UNK: variants seen among roughly 807,000 people sequenced by gnomAD.
The protein encoded by UNK is unk zinc finger.
UNK carries 32 observed loss-of-function variants against 97.6 expected under a neutral mutation model. The ratio of observed to expected loss-of-function variants is 0.33; its 90% CI spans 0.25 to 0.44. The LOEUF (loss-of-function observed/expected upper bound fraction) is 0.44. UNK is among the 20% of genes least tolerant of loss of function. The pLI is 1.00. For missense variants in UNK, 771 were observed against 1,098.4 expected (o/e 0.70, Z 4.21); for synonymous variants, 441 against 461.2 (o/e 0.96, Z 0.56).
chr17:75,789,091 T>G (rs778007633), intron 1 of UNK, among the ~76,000 whole-genome samples: 56 of 152,226 alleles, frequency 3.7e-4, no homozygotes, highest in Non-Finnish European at 6.8e-4. Flanking sequence ...TAACATAGTT[T>G]AAAGGATAAT....
rs2062087401 is a variant in UNK at position 75,823,390 on chromosome 17, G to A, written c.2145G>A (p.Glu715=). The change falls in exon 15 of 16, where the codon GAG becomes GAA. Residue 715 remains glutamate, a synonymous_variant. Transcript: ENST00000589666. ...ALEVQVKKLQ[E]ELERLHAGPE... The stretch of plus-strand genomic sequence containing the variant: ...AGGTGCAGGTGAAGAAGCTCCAGGA[G>A]GAGCTGGAGCGGCTACACGCGGGGC... 1 of 1,609,720 alleles carries A rather than the reference G, an allele frequency of 6.2e-7. No individual in the cohort carries two copies. The highest frequency in any genetic ancestry group is 8.5e-7 in the Non-Finnish European group (1 of 1,178,224).
chr17:75,823,357 T>G lies in UNK; in HGVS notation c.2112T>G (p.Asp704Glu), dbSNP rs2062087151. The G allele has an allele frequency of 5.6e-6, 9 of 1,611,402 alleles. No individual in the cohort carries two copies. The highest frequency in any genetic ancestry group is 7.6e-6 in the Non-Finnish European group (9 of 1,179,166). ...GCGAGCTGGCCCGGGAGCAGCGGGA[T>G]GCACTGGAGGTGCAGGTGAAGAAGC... ...AECELAREQR[D>E]ALEVQVKKLQ... The change falls in exon 15 of 16, where the codon GAT becomes GAG. Residue 704 changes from aspartate (D) to glutamate (E), a missense_variant. Transcript: ENST00000589666.
intron 2 of UNK, among the ~76,000 whole-genome samples, chr17:75,811,621 C>CTG (rs2061969832): frequency 6.6e-6 from 1 of 152,250 alleles, no homozygotes; most frequent in Non-Finnish European, 1.5e-5. Context: ...CAGGGCAGTT[C>CTG]TGTTACCTCG....
chr17:75,793,596 C>A, intron 1 of UNK: 3 of 985,292 alleles, frequency 3.0e-6, no homozygotes, highest in Non-Finnish European at 3.6e-6. Context: ...ATACTGAGGC[C>A]TGTGACAGCC....
rs575380468 is a variant in UNK, at chr17:75,806,141, T to A, written c.105-3619T>A. 2.0e-5 allele frequency among the ~76,000 whole-genome samples: 3 copies of A among 151,774 alleles called. No individual in the cohort carries two copies. The South Asian group carries it at 6.2e-4, about 32-fold the overall frequency. On this transcript the variant is annotated intron_variant, in intron 1 of 15. Transcript: ENST00000589666. ...AAAAGAAATCTAAAGTCTAAAATAT[T>A]TACCATCTGGTCCTTTACAAGAAGA...
chr17:75,806,476 C>CA (rs887933978), intron 1 of UNK, among the ~76,000 whole-genome samples: 1 of 132,956 alleles, frequency 7.5e-6, no homozygotes, highest in African/African-American at 2.8e-5. Context: ...AAAAAAAAAG[C>CA]AAGAGTTAAA....
chr17:75,817,431 G>A lies in UNK; in HGVS notation c.1210G>A (p.Glu404Lys). The A allele has an allele frequency of 6.2e-6, 10 of 1,613,382 alleles. No homozygotes were observed. The highest frequency in any genetic ancestry group is 8.5e-6 in the Non-Finnish European group (10 of 1,179,662). Residue 404 changes from glutamate to lysine, a missense_variant, in exon 9 of 16, where the codon GAG (glutamate) becomes AAG (lysine). By Grantham distance (56) the Glu-to-Lys change is moderately conservative. Transcript: ENST00000589666. The surrounding 1 kb of genome is among the most constrained non-coding windows in gnomAD (Gnocchi z 5.8). ...PNLEGIVFPG[E>K]SGLAPGSYKK... ...CCTGGAGGGCATCGTCTTCCCTGGG[G>A]AGTCTGGCCTGGCCCCTGGCAGCTA...
In UNK at chr17:75,820,059, T is replaced by C. The variant is rs375773531; in HGVS notation, c.1788T>C (p.Ser596=). ...TGCAGCAGCCCCAGGGCCACCTGAGTCAGTCGGAAAACACATTTTTGGGAA... is the reference window on the plus strand; with the variant it reads ...TGCAGCAGCCCCAGGGCCACCTGAGCCAGTCGGAAAACACATTTTTGGGAA... ...HFLQQPQGHL[S]QSENTFLGTS... The change falls in exon 13 of 16, where the codon AGT becomes AGC. Residue 596 remains serine (S), a synonymous_variant. Coordinates refer to ENST00000589666, the MANE Select transcript of UNK (RefSeq NM_001080419.3). The C allele has an allele frequency of 2.5e-4, 398 of 1,613,506 alleles. 1 individual carries two copies. The highest frequency in any genetic ancestry group is 2.8e-4 in the Non-Finnish European group (334 of 1,179,782).
intron 13 of UNK, among the ~76,000 whole-genome samples, chr17:75,820,409 A>T (rs1567809818): frequency 1.3e-5 from 2 of 152,218 alleles, no homozygotes; most frequent in South Asian, 4.1e-4. Context: ...AGGTGAGAGC[A>T]GGGGTCTCAG....
In UNK at chr17:75,816,789, C is replaced by T. The variant is rs2062019728; in HGVS notation, c.981C>T (p.Asp327=). The change falls in exon 8 of 16, where the codon GAC becomes GAT. Residue 327 remains aspartate (D), a synonymous_variant. Coordinates refer to ENST00000589666, the MANE Select transcript of UNK (RefSeq NM_001080419.3). The surrounding 1 kb of genome is among the most constrained non-coding windows in gnomAD (Gnocchi z 4.0). The stretch of plus-strand genomic sequence containing the variant: ...TTGCAGAGCCACCCCTGAGTGACGA[C>T]CTGCAGCCTTCCTCAGCTGTGTCCA... ...AHVEQPPLSD[D]LQPSSAVSSP... 6.2e-7 allele frequency: 1 copy of T among 1,604,592 alleles called. No homozygotes were observed. The highest frequency in any genetic ancestry group is 2.2e-5 in the East Asian group (1 of 44,870).
At chr17:75,823,125 C>T in intron 14 of UNK, 140 bp from the exon 15 acceptor site, 2 of 1,357,966 alleles carry the variant, frequency 1.5e-6, no homozygotes, top group Non-Finnish European at 2.0e-6. Context: ...CAGCATCAGC[C>T]TCCTCCTTGC....
At chr17:75,808,052 G>C (rs377491287) in intron 1 of UNK, among the ~76,000 whole-genome samples, 1 of 151,934 alleles carries the variant, frequency 6.6e-6, no homozygotes, top group Admixed American at 6.6e-5. Context: ...TTCCTGGCTC[G>C]GGGCCCAGCT....
rs199569572 is a variant in UNK, at chr17:75,813,825, G to A, written c.823G>A (p.Gly275Arg). The A allele has an allele frequency of 9.3e-5, 148 of 1,596,472 alleles. No individual in the cohort carries two copies. Among genetic ancestry groups the A allele is most frequent in the Non-Finnish European group, 8.8e-5 (103 of 1,172,806 alleles). ...GGGAGACCCTGGCAAGTGTGAGAAC[G>A]GAGACGCCTGCCAGTACTGCCACAC... ...EWGDPGKCEN[G>R]DACQYCHTRT... The change falls in exon 6 of 16, where the codon GGA (glycine) becomes AGA (arginine). Residue 275 changes from glycine to arginine, a missense_variant. Gly to Arg is a moderately radical substitution (Grantham distance 125). Around this residue, in one of 5 missense-constraint regions of UNK, gnomAD observed 246 missense variants for 440.7 expected, o/e 0.56. Transcript: ENST00000589666.
Position 75,801,306 on chromosome 17 carries a change from C to T in UNK, c.105-8454C>T, listed in dbSNP as rs117015978. Among the ~76,000 whole-genome samples the T allele has an allele frequency of 9.9e-3, 1,505 of 152,120 alleles. 9 individuals carry two copies. Among genetic ancestry groups the T allele is most frequent in the Non-Finnish European group, 0.015 (1,007 of 67,990 alleles). The stretch of plus-strand genomic sequence containing the variant: ...CTTCAAGTATTTTACTTTTAAGGCT[C>T]GGTGGCATGTGGATTATTTGTTAAC... On this transcript the variant is annotated intron_variant, in intron 1 of 15. Transcript: ENST00000589666.
intron 1 of UNK, among the ~76,000 whole-genome samples, chr17:75,798,495 A>G (rs1348913831): frequency 6.6e-6 from 1 of 151,942 alleles, no homozygotes; most frequent in African/African-American, 2.4e-5. Flanking sequence ...ATGTGCCACT[A>G]CACCAAACCA....
chr17:75,804,685 C>T (rs891031164), intron 1 of UNK, among the ~76,000 whole-genome samples: 7 of 151,176 alleles, frequency 4.6e-5, no homozygotes, highest in South Asian at 2.1e-4. Flanking sequence ...CTAAAAAATA[C>T]AAAAATTAGC....
At chr17:75,809,629 C>G (rs2061950265) in intron 1 of UNK, 131 bp from the exon 2 acceptor site, 1 of 951,320 alleles carries the variant, frequency 1.1e-6, no homozygotes, top group African/African-American at 1.6e-5. Context: ...CTCTGGGTCT[C>G]TCCTGGTGTT....
intron 2 of UNK, 66 bp from the exon 3 acceptor site, chr17:75,812,046 G>C: frequency 6.6e-7 from 1 of 1,505,626 alleles, no homozygotes; most frequent in Non-Finnish European, 9.0e-7. Flanking sequence ...GGTAAGGGCA[G>C]GGGGTAGGCA....
At position 75,784,880 on chromosome 17, in the gene UNK, C is replaced by A. The variant is rs1371122079; in HGVS notation, c.-1C>A. On this transcript the variant is annotated 5_prime_UTR_variant, in exon 1 of 16. Coordinates refer to ENST00000589666, the MANE Select transcript of UNK (RefSeq NM_001080419.3). The stretch of plus-strand genomic sequence containing the variant: ...CGGCGAAGAGGCAGGAAGACAAGAC[C>A]ATGTCGAAGGGCCCCGGGCCCGGCG... The A allele has an allele frequency of 1.9e-6, 3 of 1,597,558 alleles. No homozygotes were observed. In the South Asian group the frequency reaches 3.3e-5, roughly 18 times the overall value.
Sources: allele counts gnomAD v4.1 joint callset (sites outside exome capture counted in the v4.1 genomes callset), GRCh38; gene constraint gnomAD v4.1.1; regional missense constraint gnomAD v4.1.1; non-coding constraint Gnocchi (gnomAD v3.1); transcripts MANE v1.5; gene names NCBI Gene and HGNC (gene_info 2026-07-23, HGNC 2026-07-21).